Variants in PCDH15 observed in about 807,000 individuals in gnomAD.
The protein encoded by PCDH15 is protocadherin related 15.
PCDH15 carries 129 observed loss-of-function variants against 178.5 expected under a neutral mutation model. That is an observed-to-expected ratio of 0.72 (90% CI 0.63 to 0.84). The LOEUF is 0.84. PCDH15 is among the 40% of genes least tolerant of loss of function. The pLI is 0.00. For synonymous variants in PCDH15, 800 were observed against 732.0 expected, an observed-to-expected ratio of 1.09 and a Z score of -1.50; for missense variants, 2,230 against 2,099.9, an observed-to-expected ratio of 1.06 and a Z score of -1.21.
At chr10:54,211,897 A>C (rs1354447699) in intron 10 of PCDH15, among the ~76,000 whole-genome samples, 1 of 152,042 alleles carries the variant, frequency 6.6e-6, no homozygotes, top group African/African-American at 2.4e-5. Context: ...ACCTTTGCTT[A>C]TTATGCCCTT....
chr10:55,332,825 G>C (rs1844240465), intron 2 of PCDH15, among the ~76,000 whole-genome samples: 1 of 152,106 alleles, frequency 6.6e-6, no homozygotes, highest in Non-Finnish European at 1.5e-5. Context: ...CTTCTGCCTT[G>C]ATTGTGAGAC....
intron 8 of PCDH15, among the ~76,000 whole-genome samples, chr10:54,315,737 A>G (rs2061215774): frequency 6.6e-6 from 1 of 151,804 alleles, no homozygotes; most frequent in Admixed American, 6.6e-5. Flanking sequence ...TCCAGCTTCA[A>G]TCTTCATATG....
intron 13 of PCDH15, among the ~76,000 whole-genome samples, chr10:54,159,911 C>A (rs2045540732): frequency 6.6e-6 from 1 of 152,054 alleles, no homozygotes; most frequent in African/African-American, 2.4e-5. Flanking sequence ...ATAGAGGATT[C>A]ATTCTTACAT....
chr10:55,446,395 A>C (rs1839317845), intron 2 of PCDH15, among the ~76,000 whole-genome samples: 1 of 152,166 alleles, frequency 6.6e-6, no homozygotes, highest in African/African-American at 2.4e-5. Flanking sequence ...GAAAACATTC[A>C]GAGAATGAGG....
chr10:55,467,944 G>T (rs1255151848), intron 2 of PCDH15, among the ~76,000 whole-genome samples: 2 of 105,692 alleles, frequency 1.9e-5, no homozygotes, highest in African/African-American at 3.9e-5. Flanking sequence ...TCCAGCCTGG[G>T]CGATAGAGCC....
chr10:54,214,158 T>C, intron 9 of PCDH15, 110 bp from the exon 10 acceptor site: 1 of 676,700 alleles, frequency 1.5e-6, no homozygotes, highest in South Asian at 1.5e-5. Flanking sequence ...ATTTCATTAG[T>C]AAATTAAGTT....
Position 54,220,291 on chromosome 10 carries a change from T to A in PCDH15, c.986-6243A>T, listed in dbSNP as rs184674736. On this transcript the variant is annotated intron_variant, in intron 9 of 37. Coordinates refer to ENST00000644397, the MANE Select transcript of PCDH15 (RefSeq NM_001384140.1). ...CTATCTCATCTAAGTTTCAAAACAA[T>A]CTTATGGGAAAGATATTTATTGCTT... Among the ~76,000 whole-genome samples the A allele has an allele frequency of 2.2e-4, 34 of 152,300 alleles. No homozygotes were observed. The East Asian group carries it at 6.0e-3, about 27-fold the overall frequency.
intron 14 of PCDH15, among the ~76,000 whole-genome samples, chr10:54,150,195 G>T (rs2044382585): frequency 6.6e-6 from 1 of 151,982 alleles, no homozygotes; most frequent in Admixed American, 6.6e-5. Context: ...CAGCAAGGAG[G>T]GGTAATGGGC....
At chr10:53,902,588 G>A (rs1170289531) in intron 26 of PCDH15, among the ~76,000 whole-genome samples, 2 of 151,888 alleles carry the variant, frequency 1.3e-5, no homozygotes, top group East Asian at 3.9e-4. Context: ...TAAAACATTA[G>A]TAATACACAG....
chr10:55,440,884 A>C (rs1378708036), intron 2 of PCDH15, among the ~76,000 whole-genome samples: 1 of 152,194 alleles, frequency 6.6e-6, no homozygotes, highest in Admixed American at 6.5e-5. Context: ...AGAGAGAATG[A>C]GGACCAAGCA....
chr10:54,029,356 T>C (rs1737347901), intron 18 of PCDH15, among the ~76,000 whole-genome samples: 1 of 152,206 alleles, frequency 6.6e-6, no homozygotes, highest in Non-Finnish European at 1.5e-5. Context: ...ATAACACATC[T>C]CTTTTCCCCT....
At chr10:55,600,543 G>C (rs139138662) in intron 2 of PCDH15, among the ~76,000 whole-genome samples, 321 of 152,212 alleles carry the variant, frequency 2.1e-3, no homozygotes, top group African/African-American at 7.5e-3. Context: ...ATCAACAACA[G>C]GGTTTACGAC....
At chr10:55,275,710 T>C (rs1412478085) in intron 1 of PCDH15, among the ~76,000 whole-genome samples, 2 of 151,592 alleles carry the variant, frequency 1.3e-5, no homozygotes, top group African/African-American at 4.8e-5. Context: ...TCTCTCTTTT[T>C]TTTTTTTTCC....
chr10:53,855,552 A>G (rs1401490746), intron 28 of PCDH15, among the ~76,000 whole-genome samples: 1 of 152,054 alleles, frequency 6.6e-6, no homozygotes, highest in African/African-American at 2.4e-5. Context: ...GTTATGAATC[A>G]TATATGCTTT....
At chr10:54,779,510 GTGTGTATATATATATACACACACATATA>G (rs1950142689) in intron 1 of PCDH15, among the ~76,000 whole-genome samples, 7 of 136,000 alleles carry the variant, frequency 5.1e-5, no homozygotes, top group Admixed American at 4.4e-4. Flanking sequence ...ACACATATAT[GTGTGTATATATATATACACACACATATA>G]TATAGCATTT....
At chr10:54,395,710 T>C (rs1951123889) in intron 3 of PCDH15, among the ~76,000 whole-genome samples, 2 of 151,694 alleles carry the variant, frequency 1.3e-5, no homozygotes, top group Non-Finnish European at 2.9e-5. Flanking sequence ...ATACACAATA[T>C]ACTGACTGCC....
chr10:55,178,614 ATATAT>A (rs1839558268), intron 1 of PCDH15, among the ~76,000 whole-genome samples: 1 of 152,118 alleles, frequency 6.6e-6, no homozygotes, highest in Non-Finnish European at 1.5e-5. Context: ...AGATTCTTGG[ATATAT>A]TATACTAGAG....
At chr10:55,236,883 C>T (rs964475048) in intron 1 of PCDH15, among the ~76,000 whole-genome samples, 4 of 151,798 alleles carry the variant, frequency 2.6e-5, no homozygotes, top group African/African-American at 7.3e-5. Flanking sequence ...TAATTGATTG[C>T]TGTAATAATT....
intron 1 of PCDH15, among the ~76,000 whole-genome samples, chr10:55,200,856 T>G (rs1312599302): frequency 6.6e-6 from 1 of 152,038 alleles, no homozygotes; most frequent in Non-Finnish European, 1.5e-5. Flanking sequence ...GGGCTTCCCC[T>G]TCCCCTTCTG....
Sources: allele counts gnomAD v4.1 joint callset (sites outside exome capture counted in the v4.1 genomes callset), GRCh38; gene constraint gnomAD v4.1.1; transcripts MANE v1.5; gene names NCBI Gene and HGNC (gene_info 2026-07-23, HGNC 2026-07-21).